ZNF430: variants seen among roughly 807,000 people sequenced by gnomAD.
The protein encoded by ZNF430 is zinc finger protein 430.
ZNF430 carries 35 observed loss-of-function variants against 56.7 expected under a neutral mutation model. The observed-to-expected ratio is 0.62, with a 90% CI of 0.47 to 0.82. The LOEUF (loss-of-function observed/expected upper bound fraction) is 0.82, where lower values mean the gene tolerates loss of function less well. Among genes scored for constraint, ZNF430 ranks in the 40% least tolerant of loss-of-function variants. ZNF430 has a pLI of 0.00. For synonymous variants in ZNF430, 212 were observed against 224.3 expected, an observed-to-expected ratio of 0.94 and a Z score of 0.49; for missense variants, 574 against 661.0, an observed-to-expected ratio of 0.87 and a Z score of 1.44.
chr19:21,020,721 G>C lies in ZNF430; in HGVS notation c.-80G>C, dbSNP rs550143556. On this transcript the variant is annotated 5_prime_UTR_variant, in exon 1 of 5. Coordinates refer to ENST00000261560, the MANE Select transcript of ZNF430 (RefSeq NM_025189.4). The stretch of plus-strand genomic sequence containing the variant: ...CGCTCTGTGTCCTCTGCTCCTAGAG[G>C]TCCAGGCTCTGTGGCCCTGTGACCC... 3.8e-5 allele frequency: 60 copies of C among 1,586,394 alleles called. No homozygotes were observed. In the South Asian group the frequency reaches 6.3e-4, roughly 17 times the overall value.
chr19:21,049,235 A>C (rs1397815408), intron 4 of ZNF430, among the ~76,000 whole-genome samples: 1 of 150,950 alleles, frequency 6.6e-6, no homozygotes, highest in African/African-American at 2.4e-5. Context: ...AACTTTAATT[A>C]AATACAAAAC....
chr19:21,028,209 G>C (rs568421329), intron 2 of ZNF430, among the ~76,000 whole-genome samples: 2 of 152,304 alleles, frequency 1.3e-5, no homozygotes, highest in East Asian at 3.9e-4. Context: ...AGCCCCCTTT[G>C]ACAGTGTGGT....
At chr19:21,037,121 T>A (rs967918267) in intron 4 of ZNF430, among the ~76,000 whole-genome samples, 10 of 150,424 alleles carry the variant, frequency 6.6e-5, no homozygotes, top group Non-Finnish European at 1.0e-4. Flanking sequence ...CTTTTTTTTT[T>A]TTTTTTTTAT....
At chr19:21,030,540 G>A (rs1967882710) in intron 2 of ZNF430, among the ~76,000 whole-genome samples, 1 of 151,748 alleles carries the variant, frequency 6.6e-6, no homozygotes, top group Admixed American at 6.6e-5. Flanking sequence ...GCCGCCTTCT[G>A]TTTGTTCTGT....
In ZNF430 at chr19:21,033,407, G is replaced by A. The variant is rs182623915; in HGVS notation, c.97-49G>A. ...TTAATTCAAATAATAAATTCTGCCCGTGGCCACTTGGTAAATATACGTGTG... is the reference window on the plus strand; with the variant it reads ...TTAATTCAAATAATAAATTCTGCCCATGGCCACTTGGTAAATATACGTGTG... On this transcript the variant is annotated intron_variant, in intron 2 of 4. Transcript: ENST00000261560. 4.8e-5 allele frequency: 75 copies of A among 1,564,582 alleles called. 1 individual carries two copies. The East Asian group carries it at 5.4e-4, about 11-fold the overall frequency.
At chr19:21,049,638 G>A (rs28589474) in intron 4 of ZNF430, 30 of 54,416 alleles carry the variant, frequency 5.5e-4, no homozygotes, top group African/African-American at 1.3e-3. Context: ...GTTACATTTC[G>A]TGCAACATTT....
Position 21,057,623 on chromosome 19 carries a change from A to T in ZNF430, c.1315A>T (p.Asn439Tyr). ...YKCEQCGKAFNESSNLTAHKI... is the reference protein window; with the variant it reads ...YKCEQCGKAFYESSNLTAHKI... ...ATGTGAACAATGTGGCAAAGCTTTTAATGAGTCCTCAAACCTTACTGCACA... is the reference window on the plus strand; with the variant it reads ...ATGTGAACAATGTGGCAAAGCTTTTTATGAGTCCTCAAACCTTACTGCACA... Residue 439 changes from asparagine (N) to tyrosine (Y), a missense_variant, in exon 5 of 5, where the codon AAT (asparagine) becomes TAT (tyrosine). Asn to Tyr is a moderately radical substitution (Grantham distance 143). Coordinates refer to ENST00000261560, the MANE Select transcript of ZNF430 (RefSeq NM_025189.4). 1.2e-6 allele frequency: 2 copies of T among 1,612,132 alleles called. No homozygotes were observed. The highest frequency in any genetic ancestry group is 4.5e-5 in the East Asian group (2 of 44,774).
chr19:21,035,185 T>C (rs947450184), intron 4 of ZNF430: 1 of 152,218 alleles, frequency 6.6e-6, no homozygotes, highest in African/African-American at 2.4e-5. Flanking sequence ...TATTTATTTT[T>C]TCAATCTGTA....
chr19:21,025,400 C>A (rs1196409678), intron 2 of ZNF430, among the ~76,000 whole-genome samples: 1 of 152,148 alleles, frequency 6.6e-6, no homozygotes, highest in Non-Finnish European at 1.5e-5. Flanking sequence ...GTTTTATCCA[C>A]CTTCTTTACT....
intron 2 of ZNF430, among the ~76,000 whole-genome samples, chr19:21,032,817 G>GTTTA (rs981777820): frequency 6.6e-6 from 1 of 152,118 alleles, no homozygotes; most frequent in African/African-American, 2.4e-5. Context: ...AGAATCTCCA[G>GTTTA]TTTATTGTTC....
intron 4 of ZNF430, among the ~76,000 whole-genome samples, chr19:21,038,111 A>G (rs975248663): frequency 3.3e-5 from 5 of 152,076 alleles, no homozygotes; most frequent in African/African-American, 1.2e-4. Context: ...TGTCTTATCT[A>G]AGAAAATGGT....
chr19:21,031,784 GT>G lies in ZNF430; in HGVS notation c.97-1671del, dbSNP rs1400774686. On this transcript the variant is annotated intron_variant, in intron 2 of 4. Transcript: ENST00000261560. The stretch of plus-strand genomic sequence containing the variant: ...AAACGTGTCTCAGAAGAAGAGCTGT[GT>G]GCACTCTGCTTCATGGAATGCCATG... Among the ~76,000 whole-genome samples, 142 of 152,222 alleles carry G rather than the reference GT, an allele frequency of 9.3e-4. 1 individual carries two copies. Among genetic ancestry groups the G allele is most frequent in the African/African-American group, 3.3e-3 (137 of 41,542 alleles).
chr19:21,026,189 CT>C (rs774603493), intron 2 of ZNF430: 4,806 of 148,666 alleles, frequency 0.032, 86 homozygotes, highest in African/African-American at 0.059. Flanking sequence ...TAATCTCTGA[CT>C]TTTTTTTTTT....
intron 2 of ZNF430, among the ~76,000 whole-genome samples, chr19:21,026,908 C>CA (rs1967811756): frequency 7.5e-6 from 1 of 133,804 alleles, no homozygotes; most frequent in Non-Finnish European, 1.5e-5. Context: ...CGGCTCACTG[C>CA]AACCTCCGCC....
At chr19:21,046,782 A>G (rs906653098) in intron 4 of ZNF430, among the ~76,000 whole-genome samples, 1 of 152,114 alleles carries the variant, frequency 6.6e-6, no homozygotes, top group South Asian at 2.1e-4. Flanking sequence ...CCTGAATTTC[A>G]ATCTTGAAGA....
chr19:21,046,826 TC>T (rs1968192234), intron 4 of ZNF430, among the ~76,000 whole-genome samples: 1 of 152,176 alleles, frequency 6.6e-6, no homozygotes, highest in African/African-American at 2.4e-5. Flanking sequence ...GATGATCTTC[TC>T]ATGGAGTATC....
chr19:21,030,163 A>G (rs1967874021), intron 2 of ZNF430, among the ~76,000 whole-genome samples: 1 of 152,238 alleles, frequency 6.6e-6, no homozygotes, highest in African/African-American at 2.4e-5. Flanking sequence ...CTGCCAATCT[A>G]GCAGTTGCTC....
intron 4 of ZNF430, among the ~76,000 whole-genome samples, chr19:21,050,747 GC>G (rs1378582015): frequency 2.0e-5 from 3 of 151,978 alleles, no homozygotes; most frequent in African/African-American, 7.2e-5. Flanking sequence ...TGCTGTTTAG[GC>G]CAGGTGCAGT....
rs777053422 is a variant in ZNF430 at position 21,057,511 on chromosome 19, CA to C, written c.1206del (p.Lys402AsnfsTer48). 5 of 1,613,592 alleles carry C rather than the reference CA, an allele frequency of 3.1e-6. No individual in the cohort carries two copies. On this transcript the variant is annotated frameshift_variant, in exon 5 of 5. Coordinates refer to ENST00000261560, the MANE Select transcript of ZNF430 (RefSeq NM_025189.4). LOFTEE classifies it high-confidence loss of function. Reference sequence around the variant, plus strand: ...TAATTCATACTGGAGAGAAATTCTACAAATGTGAAGAATGTGGCAAAGGCTT... The same window carrying C: ...TAATTCATACTGGAGAGAAATTCTACAATGTGAAGAATGTGGCAAAGGCTT... ...KIIHTGEKFY[K>X]CEECGKGFNW...
Sources: allele counts gnomAD v4.1 joint callset (sites outside exome capture counted in the v4.1 genomes callset), GRCh38; gene constraint gnomAD v4.1.1; transcripts MANE v1.5; gene names NCBI Gene and HGNC (gene_info 2026-07-23, HGNC 2026-07-21).